KIF5A: variants seen among roughly 807,000 people sequenced by gnomAD.
KIF5A encodes the protein kinesin heavy chain isoform 5A.
In KIF5A, 35 loss-of-function variants were observed where a neutral mutation model predicts 141.3. That is an observed-to-expected ratio of 0.25 (90% CI 0.19 to 0.33). The LOEUF (loss-of-function observed/expected upper bound fraction) is 0.33, where lower values mean the gene tolerates loss of function less well. Ranked by LOEUF, KIF5A falls within the 10% of genes least tolerant of loss-of-function variation. The probability of loss-of-function intolerance (pLI) is 1.00; values close to 1 mark genes in which losing one functional copy is unlikely to be tolerated. For synonymous variants in KIF5A, 448 were observed against 500.2 expected, an observed-to-expected ratio of 0.90 and a Z score of 1.39; for missense variants, 861 against 1,314.3, an observed-to-expected ratio of 0.66 and a Z score of 5.33.
At position 57,575,702 on chromosome 12, in the gene KIF5A, C is replaced by T. The variant is rs774039296; in HGVS notation, c.1968C>T (p.His656=). ...AGAGCGTGGAGCTAAAGAAGCGGCA[C>T]CTGGAAGAGTCCTATGACTCCTTGA... The part of the protein sequence containing the change: ...YMQSVELKKR[H]LEESYDSLSD... Residue 656 remains histidine (H), a synonymous_variant, in exon 17 of 29, where the codon CAC becomes CAT. Transcript: ENST00000455537. 6.2e-7 allele frequency: 1 copy of T among 1,614,196 alleles called. No homozygotes were observed. Among genetic ancestry groups the T allele is most frequent in the East Asian group, 2.2e-5 (1 of 44,888 alleles).
chr12:57,551,872 G>GTC (rs57562029), intron 1 of KIF5A, among the ~76,000 whole-genome samples: 3,316 of 145,812 alleles, frequency 0.023, 43 homozygotes, highest in South Asian at 0.033. Context: ...GATGCTTTTG[G>GTC]TCTCTCTCTC....
At chr12:57,551,913 T>C (rs1371711606) in intron 1 of KIF5A, among the ~76,000 whole-genome samples, 3 of 152,130 alleles carry the variant, frequency 2.0e-5, no homozygotes, top group Non-Finnish European at 4.4e-5. Flanking sequence ...TCTCTGTGTA[T>C]GTATTTGCCA....
chr12:57,574,996 G>T, intron 15 of KIF5A, 88 bp from the exon 16 acceptor site: 2 of 1,178,066 alleles, frequency 1.7e-6, no homozygotes, highest in Non-Finnish European at 2.5e-6. Flanking sequence ...TGCGTATGTG[G>T]GTGTGTATGG....
At chr12:57,579,028 C>T (rs1381895680) in intron 23 of KIF5A, among the ~76,000 whole-genome samples, 1 of 152,060 alleles carries the variant, frequency 6.6e-6, no homozygotes, top group Non-Finnish European at 1.5e-5. Flanking sequence ...CATGCCACTG[C>T]ACTCCAGCCT....
intron 1 of KIF5A, among the ~76,000 whole-genome samples, chr12:57,560,123 C>T (rs1445523464): frequency 6.6e-6 from 1 of 152,158 alleles, no homozygotes; most frequent in Non-Finnish European, 1.5e-5. Context: ...AACTCCTGAC[C>T]TCAAGTAATC....
intron 13 of KIF5A, among the ~76,000 whole-genome samples, chr12:57,571,670 A>G (rs2099882149): frequency 6.6e-6 from 1 of 151,806 alleles, no homozygotes; most frequent in Non-Finnish European, 1.5e-5. Context: ...TCCAGGGTCA[A>G]GCAGTCCTCC....
chr12:57,571,254 A>G, intron 12 of KIF5A, 67 bp from the exon 13 acceptor site: 2 of 987,410 alleles, frequency 2.0e-6, no homozygotes, highest in Non-Finnish European at 1.6e-6. Flanking sequence ...TCTACCCCCA[A>G]ACTTCTTACG....
rs143145997 is a variant in KIF5A at position 57,574,460 on chromosome 12, G to A, written c.1717-624G>A. On this transcript the variant is annotated intron_variant, in intron 15 of 28. Coordinates refer to ENST00000455537, the MANE Select transcript of KIF5A (RefSeq NM_004984.4). ...GCTAATTTTTTATGTTTTTAGTAGA[G>A]AGAGGGTTTCACCATATTGGCCAGG... Among the ~76,000 whole-genome samples, 1,412 of 151,984 alleles carry A rather than the reference G, an allele frequency of 9.3e-3. 20 individuals carry two copies. The highest frequency in any genetic ancestry group is 0.032 in the African/African-American group (1,341 of 41,442).
At chr12:57,583,644 C>T (rs935406886) in intron 28 of KIF5A, among the ~76,000 whole-genome samples, 3 of 152,182 alleles carry the variant, frequency 2.0e-5, no homozygotes, top group Non-Finnish European at 2.9e-5. Context: ...ACTAAGACAT[C>T]TCCAGTTAAG....
rs769470445 is a variant in KIF5A, at chr12:57,572,066, G to A, written c.1368G>A (p.Leu456=). 7.3e-5 allele frequency: 117 copies of A among 1,612,820 alleles called. No homozygotes were observed. The highest frequency in any genetic ancestry group is 4.9e-5 in the Non-Finnish European group (58 of 1,179,932). Residue 456 remains leucine, a synonymous_variant, in exon 14 of 29, where the codon CTG becomes CTA. Coordinates refer to ENST00000455537, the MANE Select transcript of KIF5A (RefSeq NM_004984.4). This position sits in a 1 kb window ranked among gnomAD's most constrained non-coding sequence, Gnocchi z 4.2. ...GCCACTCCTCTCCCTTGAAGCTGCT[G>A]GTGTCCACCCGAGGAGACAACGAGA... ...KQQMLDQEEL[L]VSTRGDNEKV...
chr12:57,559,650 T>G (rs1881851739), intron 1 of KIF5A, among the ~76,000 whole-genome samples: 1 of 152,112 alleles, frequency 6.6e-6, no homozygotes, highest in Non-Finnish European at 1.5e-5. Flanking sequence ...TCTAGAACAT[T>G]TCTGTCACTC....
intron 8 of KIF5A, among the ~76,000 whole-genome samples, chr12:57,568,623 G>C (rs1325783697): frequency 1.3e-5 from 2 of 152,104 alleles, no homozygotes; most frequent in African/African-American, 4.8e-5. Flanking sequence ...TGCTCAGGAG[G>C]CTGAGGCAGG....
intron 1 of KIF5A, among the ~76,000 whole-genome samples, chr12:57,559,803 TG>T (rs2140156600): frequency 6.6e-6 from 1 of 152,336 alleles, no homozygotes; most frequent in South Asian, 2.1e-4. Context: ...TAATACAGTA[TG>T]TGCTCTTTTG....
chr12:57,557,960 C>T (rs1881795019), intron 1 of KIF5A, among the ~76,000 whole-genome samples: 1 of 152,194 alleles, frequency 6.6e-6, no homozygotes, highest in Non-Finnish European at 1.5e-5. Flanking sequence ...CCTTCTCACC[C>T]CTCTTTTCCA....
rs573464746 is a variant in KIF5A, at chr12:57,578,838, CG to C, written c.2538+498del. ...CAGCGCTTCAGGAAGCCGAGGCGGGCGGATCACTTGAGCACAGGAGTTCAAG... is the reference window on the plus strand; with the variant it reads ...CAGCGCTTCAGGAAGCCGAGGCGGGCGATCACTTGAGCACAGGAGTTCAAG... On this transcript the variant is annotated intron_variant, in intron 23 of 28. Transcript: ENST00000455537. Among the ~76,000 whole-genome samples the C allele has an allele frequency of 1.8e-3, 267 of 152,150 alleles. 1 individual carries two copies. Among genetic ancestry groups the C allele is most frequent in the African/African-American group, 6.3e-3 (261 of 41,498 alleles).
At position 57,572,219 on chromosome 12, in the gene KIF5A, G is replaced by A. The variant is rs1882277764; in HGVS notation, c.1521G>A (p.Glu507=). The change falls in exon 14 of 29, where the codon GAG becomes GAA. Residue 507 remains glutamate (E), a synonymous_variant. Coordinates refer to ENST00000455537, the MANE Select transcript of KIF5A (RefSeq NM_004984.4). The surrounding 1 kb of genome is among the most constrained non-coding windows in gnomAD (Gnocchi z 4.2). ...ACCAGAAGTCCCAGGAGGTGGAGGA[G>A]AAGAGCCAGCAGAACCAGCTTCTGG... ...NYDQKSQEVE[E]KSQQNQLLVD... 6.2e-7 allele frequency: 1 copy of A among 1,611,400 alleles called. No individual in the cohort carries two copies. Among genetic ancestry groups the A allele is most frequent in the Non-Finnish European group, 8.5e-7 (1 of 1,178,766 alleles).
intron 21 of KIF5A, 54 bp downstream of exon 21, chr12:57,577,827 C>T: frequency 6.9e-7 from 1 of 1,453,870 alleles, no homozygotes; most frequent in Non-Finnish European, 9.7e-7. Context: ...GGGGAGGCTT[C>T]ATTTCTTCCT....
intron 1 of KIF5A, among the ~76,000 whole-genome samples, chr12:57,561,944 G>T (rs1019058042): frequency 6.6e-6 from 1 of 152,192 alleles, no homozygotes; most frequent in Non-Finnish European, 1.5e-5. Flanking sequence ...AAACTCTGGC[G>T]TCTGTAGATC....
At chr12:57,555,740 C>T (rs576563616) in intron 1 of KIF5A, among the ~76,000 whole-genome samples, 1 of 150,842 alleles carries the variant, frequency 6.6e-6, no homozygotes, top group Admixed American at 6.6e-5. Context: ...GAAACCCTGT[C>T]TGTACTGAAA....
Sources: allele counts gnomAD v4.1 joint callset (sites outside exome capture counted in the v4.1 genomes callset), GRCh38; gene constraint gnomAD v4.1.1; non-coding constraint Gnocchi (gnomAD v3.1); transcripts MANE v1.5; gene names NCBI Gene and HGNC (gene_info 2026-07-23, HGNC 2026-07-21).